Variants in CDH8 observed in about 807,000 individuals in gnomAD.
CDH8 encodes cadherin 8.
CDH8 carries 17 observed loss-of-function variants against 68.1 expected under a neutral mutation model. That is an observed-to-expected ratio of 0.25 (90% confidence interval 0.17 to 0.37). CDH8 has a LOEUF of 0.37. Among genes scored for constraint, CDH8 ranks in the 10% least tolerant of loss-of-function variants. CDH8 has a pLI of 1.00. For missense variants in CDH8, 763 were observed against 999.3 expected (o/e 0.76, Z 3.19); for synonymous variants, 372 against 365.1 (o/e 1.02, Z -0.21).
intron 4 of CDH8, among the ~76,000 whole-genome samples, chr16:61,852,253 T>A (rs759690018): frequency 4.6e-5 from 7 of 152,036 alleles, no homozygotes; most frequent in African/African-American, 7.2e-5. Flanking sequence ...GTTTTGTCAT[T>A]TGCAAAATGG....
intron 8 of CDH8, among the ~76,000 whole-genome samples, chr16:61,774,134 C>T (rs1043102177): frequency 1.3e-5 from 2 of 151,994 alleles, no homozygotes; most frequent in African/African-American, 2.4e-5. Flanking sequence ...AACCTGCTTG[C>T]ACTTGTTCAA....
intron 2 of CDH8, among the ~76,000 whole-genome samples, chr16:61,961,063 T>A (rs113717967): frequency 6.6e-5 from 10 of 152,186 alleles, no homozygotes; most frequent in African/African-American, 2.4e-4. Flanking sequence ...TGCCTGTAAT[T>A]CCAGCACTTT....
At chr16:61,655,216 C>T (rs1201137200) in intron 11 of CDH8, among the ~76,000 whole-genome samples, 1 of 152,152 alleles carries the variant, frequency 6.6e-6, no homozygotes, top group Non-Finnish European at 1.5e-5. Flanking sequence ...CTGCCACCAC[C>T]ATTATGCCTT....
chr16:61,960,084 T>TATGTGTGTGTATACACATACATATATAC lies in CDH8; in HGVS notation c.253-58612_253-58611insGTATATATGTATGTGTATACACACACAT, dbSNP rs1965084282. On this transcript the variant is annotated intron_variant, in intron 2 of 11. Transcript: ENST00000577390. ...GTGTGTATACACATACATATATACA[T>TATGTGTGTGTATACACATACATATATAC]ATATGTGTGTGTGTATACACATACA... Among the ~76,000 whole-genome samples, 84 of 50,136 alleles carry TATGTGTGTGTATACACATACATATATAC rather than the reference T, an allele frequency of 1.7e-3. 38 individuals are homozygous for TATGTGTGTGTATACACATACATATATAC. Among genetic ancestry groups the TATGTGTGTGTATACACATACATATATAC allele is most frequent in the African/African-American group, 3.9e-3 (77 of 19,946 alleles). The allele number at this position is 50,136 out of a possible 152,430, so 32.9% of individuals were successfully genotyped here. A position where few individuals can be genotyped will look rare whatever the true frequency, so the allele number is the denominator to read the frequency against.
At chr16:61,807,181 A>C (rs1961806333) in intron 7 of CDH8, among the ~76,000 whole-genome samples, 1 of 151,436 alleles carries the variant, frequency 6.6e-6, no homozygotes, top group Admixed American at 6.6e-5. Flanking sequence ...AGGGACATGG[A>C]TGAAATTGGA....
chr16:61,671,027 A>G (rs1963781955), intron 10 of CDH8, among the ~76,000 whole-genome samples: 1 of 152,094 alleles, frequency 6.6e-6, no homozygotes, highest in Non-Finnish European at 1.5e-5. Context: ...GAACTATTGC[A>G]TCTGATCCAC....
chr16:61,744,689 T>G (rs1959968811), intron 8 of CDH8, among the ~76,000 whole-genome samples: 1 of 151,614 alleles, frequency 6.6e-6, no homozygotes, highest in South Asian at 2.1e-4. Flanking sequence ...ATTATTATAT[T>G]ACTTATATAG....
In CDH8 at chr16:61,649,537, T is replaced by A. The variant is rs1393808905; in HGVS notation, c.*4071A>T. ...TTTTATAGTGATGCCCGCTGTTACC[T>A]TATCTTTTTGACTGACAATGATAGG... On this transcript the variant is annotated 3_prime_UTR_variant, in exon 12 of 12. Coordinates refer to ENST00000577390, the MANE Select transcript of CDH8 (RefSeq NM_001796.5). The A allele has an allele frequency of 6.6e-6, 1 of 151,958 alleles. No individual in the cohort carries two copies. Among genetic ancestry groups the A allele is most frequent in the Non-Finnish European group, 1.5e-5 (1 of 67,960 alleles). The allele number at this position is 151,958 out of a possible 1,614,324, so 9.4% of individuals were successfully genotyped here. A position where few individuals can be genotyped will look rare whatever the true frequency, so the allele number is the denominator to read the frequency against.
intron 4 of CDH8, among the ~76,000 whole-genome samples, chr16:61,832,214 A>G (rs895303182): frequency 2.0e-5 from 3 of 151,946 alleles, no homozygotes; most frequent in East Asian, 3.9e-4. Context: ...AGATAAACAC[A>G]TTAGAAAATA....
chr16:61,661,252 T>G (rs1164475313), intron 10 of CDH8, among the ~76,000 whole-genome samples: 1 of 151,880 alleles, frequency 6.6e-6, no homozygotes, highest in African/African-American at 2.4e-5. Context: ...CAATACAAAC[T>G]ATACCTAACA....
Position 62,008,767 on chromosome 16 carries a change from G to A in CDH8, c.252+12385C>T, listed in dbSNP as rs1413721172. Reference sequence around the variant, plus strand: ...GTTTAATGACAGGAAAAACAGAAGAGAGTACTTGAAAAACAGTGGCCTTGA... The same window carrying A: ...GTTTAATGACAGGAAAAACAGAAGAAAGTACTTGAAAAACAGTGGCCTTGA... On this transcript the variant is annotated intron_variant, in intron 2 of 11. Transcript: ENST00000577390. 2.0e-5 allele frequency among the ~76,000 whole-genome samples: 3 copies of A among 152,090 alleles called. No homozygotes were observed. The East Asian group carries it at 5.8e-4, about 29-fold the overall frequency.
intron 2 of CDH8, among the ~76,000 whole-genome samples, chr16:61,950,761 G>T (rs891599350): frequency 6.6e-6 from 1 of 152,026 alleles, no homozygotes; most frequent in Non-Finnish European, 1.5e-5. Flanking sequence ...GATGGGACGG[G>T]GGCCATTACC....
intron 2 of CDH8, among the ~76,000 whole-genome samples, chr16:62,009,979 C>T (rs1419041315): frequency 2.0e-5 from 3 of 152,258 alleles, no homozygotes; most frequent in South Asian, 4.1e-4. Flanking sequence ...GGCTAACCCC[C>T]GTATTAGGAG....
At chr16:61,903,262 C>T (rs1367339315) in intron 2 of CDH8, among the ~76,000 whole-genome samples, 2 of 152,246 alleles carry the variant, frequency 1.3e-5, no homozygotes, top group African/African-American at 4.8e-5. Context: ...ATGCTCCCTT[C>T]TGTTAAAATT....
chr16:61,664,677 G>A (rs998119502), intron 10 of CDH8, among the ~76,000 whole-genome samples: 5 of 151,758 alleles, frequency 3.3e-5, no homozygotes, highest in Admixed American at 6.6e-5. Flanking sequence ...AACTGAGGGC[G>A]CTTAGGTTCA....
chr16:61,857,716 T>A (rs970152646), intron 3 of CDH8, among the ~76,000 whole-genome samples: 1 of 152,182 alleles, frequency 6.6e-6, no homozygotes, highest in African/African-American at 2.4e-5. Context: ...AATATAAAAT[T>A]AGATCTGAGT....
intron 2 of CDH8, among the ~76,000 whole-genome samples, chr16:62,017,850 C>T (rs1274146316): frequency 6.6e-6 from 1 of 152,054 alleles, no homozygotes; most frequent in Non-Finnish European, 1.5e-5. Context: ...CACCCCACAC[C>T]CCCGGGCCAG....
Position 61,860,933 on chromosome 16 carries a change from G to A in CDH8, c.548-3695C>T, listed in dbSNP as rs140738904. On this transcript the variant is annotated intron_variant, in intron 3 of 11. Transcript: ENST00000577390. ...GTTTTGAACATAAAATAGTTCTGAC[G>A]TCTTCTGAAACGCTTATCTGTTTCT... Among the ~76,000 whole-genome samples, 29 of 152,288 alleles carry A rather than the reference G, an allele frequency of 1.9e-4. No individual in the cohort carries two copies. The East Asian group carries it at 3.7e-3, about 19-fold the overall frequency.
At chr16:61,855,207 C>A (rs1963019808) in intron 4 of CDH8, among the ~76,000 whole-genome samples, 1 of 152,020 alleles carries the variant, frequency 6.6e-6, no homozygotes, top group Non-Finnish European at 1.5e-5. Context: ...AGTGATAAAA[C>A]TAAAATGAGT....
Sources: allele counts gnomAD v4.1 joint callset (sites outside exome capture counted in the v4.1 genomes callset), GRCh38; gene constraint gnomAD v4.1.1; transcripts MANE v1.5; gene names NCBI Gene and HGNC (gene_info 2026-07-23, HGNC 2026-07-21).